MEGF6: variants seen among roughly 807,000 people sequenced by gnomAD.
The protein encoded by MEGF6 is multiple EGF like domains 6.
MEGF6 carries 184 observed loss-of-function variants against 207.1 expected under a neutral mutation model. The ratio of observed to expected loss-of-function variants is 0.89; its 90% CI spans 0.79 to 1.00. The LOEUF is 1.00. Ranked by LOEUF, MEGF6 falls within the 50% of genes least tolerant of loss-of-function variation. The pLI, the probability that MEGF6 is intolerant of heterozygous loss-of-function variation, is 0.00. For missense variants in MEGF6, 2,282 were observed against 2,202.9 expected (o/e 1.04, Z -0.72); for synonymous variants, 1,038 against 910.0 (o/e 1.14, Z -2.53).
chr1:3,610,564 C>T lies in MEGF6; in HGVS notation c.131+574G>A, dbSNP rs559886018. Reference sequence around the variant, plus strand: ...TTGATTTGCTGTTCATGAGAGACCGCTAAACGGCCCGTTGGGGAATCATCT... The same window carrying T: ...TTGATTTGCTGTTCATGAGAGACCGTTAAACGGCCCGTTGGGGAATCATCT... On this transcript the variant is annotated intron_variant, in intron 1 of 36. Transcript: ENST00000356575. Among the ~76,000 whole-genome samples, 14 of 152,382 alleles carry T rather than the reference C, an allele frequency of 9.2e-5. No homozygotes were observed. The East Asian group carries it at 2.7e-3, about 29-fold the overall frequency.
chr1:3,545,288 G>T (rs1465883300), intron 4 of MEGF6, among the ~76,000 whole-genome samples: 2 of 152,174 alleles, frequency 1.3e-5, no homozygotes, highest in African/African-American at 4.8e-5. Context: ...CAGGTAGGGG[G>T]GTCTGGTCTT....
At chr1:3,536,940 T>C (rs1642349709) in intron 4 of MEGF6, among the ~76,000 whole-genome samples, 3 of 152,226 alleles carry the variant, frequency 2.0e-5, no homozygotes, top group Admixed American at 1.3e-4. Context: ...CGACACCCGC[T>C]CCACAAGGCC....
Position 3,611,442 on chromosome 1 carries a change from T to A in MEGF6, c.-174A>T, listed in dbSNP as rs1448398942. The A allele has an allele frequency of 1.1e-6, 1 of 921,716 alleles. No individual in the cohort carries two copies. The highest frequency in any genetic ancestry group is 1.5e-6 in the Non-Finnish European group (1 of 678,936). 57.1% of individuals were successfully genotyped at this position (921,716 alleles called of 1,614,324 possible). On this transcript the variant is annotated 5_prime_UTR_variant, in exon 1 of 37. Coordinates refer to ENST00000356575, the MANE Select transcript of MEGF6 (RefSeq NM_001409.4). ...CCCGGCTTCCCGCCCGCGCCCAAAG[T>A]GGCACCGCGGAGACCTGATCGCCGG...
At position 3,523,379 on chromosome 1, in the gene MEGF6, G is replaced by A. The variant is rs186925968; in HGVS notation, c.604+745C>T. Among the ~76,000 whole-genome samples the A allele has an allele frequency of 6.3e-3, 959 of 152,234 alleles. 4 individuals carry two copies. Among genetic ancestry groups the A allele is most frequent in the Non-Finnish European group, 9.7e-3 (661 of 67,986 alleles). On this transcript the variant is annotated intron_variant, in intron 5 of 36. Transcript: ENST00000356575. ...CCAGATTCCTGGGCTCCAGCCCCCT[G>A]CTCAGCCCTGTGCCGGTTCCTAGAG...
the MEGF6 span, among the ~76,000 whole-genome samples, chr1:3,622,266 G>A: frequency 4.6e-5 from 7 of 152,200 alleles, no homozygotes; most frequent in South Asian, 2.1e-4. Context: ...GATTTCCCCC[G>A]TGCTGTTCTT....
chr1:3,619,152 G>A, the MEGF6 span, among the ~76,000 whole-genome samples: 1 of 152,188 alleles, frequency 6.6e-6, no homozygotes, highest in East Asian at 1.9e-4. Flanking sequence ...GTGAAGCTGC[G>A]CCCTCTAATT....
chr1:3,605,465 C>T (rs1644231744), intron 1 of MEGF6, among the ~76,000 whole-genome samples: 1 of 151,828 alleles, frequency 6.6e-6, no homozygotes, highest in East Asian at 1.9e-4. Flanking sequence ...CATATGCTTA[C>T]CTATACACAC....
intron 3 of MEGF6, among the ~76,000 whole-genome samples, chr1:3,592,765 AAGG>A (rs369027964): frequency 4.6e-4 from 70 of 152,144 alleles, no homozygotes; most frequent in African/African-American, 1.7e-3. Flanking sequence ...GCGGCCAGAG[AAGG>A]AGATCACAGG....
chr1:3,548,496 G>A (rs181533782), intron 4 of MEGF6, among the ~76,000 whole-genome samples: 8 of 152,362 alleles, frequency 5.3e-5, no homozygotes, highest in Admixed American at 2.6e-4. Context: ...AGGGCGAGAC[G>A]GAGGCTGGCC....
chr1:3,531,326 C>T (rs1315685271), intron 4 of MEGF6: 6 of 1,230,734 alleles, frequency 4.9e-6, no homozygotes, highest in Non-Finnish European at 6.1e-6. Context: ...ACGGGGCAGG[C>T]GGCTCGGGCT....
At chr1:3,584,175 G>A (rs1384265643) in intron 3 of MEGF6, among the ~76,000 whole-genome samples, 1 of 152,250 alleles carries the variant, frequency 6.6e-6, no homozygotes, top group Admixed American at 6.5e-5. Flanking sequence ...GGCATGTCCA[G>A]GCCATGTCTG....
At chr1:3,516,915 G>A (rs1399331805) in intron 5 of MEGF6, among the ~76,000 whole-genome samples, 1 of 152,164 alleles carries the variant, frequency 6.6e-6, no homozygotes, top group African/African-American at 2.4e-5. Flanking sequence ...GGGGAACCCA[G>A]GGCAGAACTC....
At position 3,595,331 on chromosome 1, in the gene MEGF6, C is replaced by A. The variant is rs752835736; in HGVS notation, c.376+7G>T. Reference sequence around the variant, plus strand: ...AGGGAGGGCGGGGAGGCGCAGGCGGCACTCACCCGAGAGGCAGCCCTCCTC... The same window carrying A: ...AGGGAGGGCGGGGAGGCGCAGGCGGAACTCACCCGAGAGGCAGCCCTCCTC... On this transcript the variant is annotated splice_region_variant and intron_variant, in intron 3 of 36. Transcript: ENST00000356575. 1.2e-6 allele frequency: 2 copies of A among 1,605,770 alleles called. No individual in the cohort carries two copies. Among genetic ancestry groups the A allele is most frequent in the South Asian group, 2.2e-5 (2 of 90,902 alleles).
At chr1:3,619,022 TA>T in the MEGF6 span, among the ~76,000 whole-genome samples, 1 of 152,174 alleles carries the variant, frequency 6.6e-6, no homozygotes, top group African/African-American at 2.4e-5. Context: ...ACTGATTTTG[TA>T]AAATGCAAAA....
chr1:3,498,521 C>T (rs748828126), intron 25 of MEGF6, 22 bp from the exon 26 acceptor site: 15 of 1,551,122 alleles, frequency 9.7e-6, no homozygotes, highest in South Asian at 2.3e-5. Flanking sequence ...GAGGCAGGCA[C>T]GAGGGTGAGG....
In MEGF6 at chr1:3,497,137, G is replaced by A; in HGVS notation, c.3482-18C>T. On this transcript the variant is annotated intron_variant, in intron 27 of 36. Coordinates refer to ENST00000356575, the MANE Select transcript of MEGF6 (RefSeq NM_001409.4). The stretch of plus-strand genomic sequence containing the variant: ...TGGGCAGGCTGGGTGGAGACAGGCA[G>A]GGTCGGTCCTGGCCCAGCCCCGCCA... 3.8e-6 allele frequency: 6 copies of A among 1,566,984 alleles called. No homozygotes were observed. The highest frequency in any genetic ancestry group is 5.2e-6 in the Non-Finnish European group (6 of 1,153,952).
intron 1 of MEGF6, among the ~76,000 whole-genome samples, chr1:3,608,746 A>C (rs1169973338): frequency 6.6e-6 from 1 of 152,146 alleles, no homozygotes; most frequent in Non-Finnish European, 1.5e-5. Context: ...GCAGGTGGGC[A>C]ATCGGCCCCC....
At chr1:3,526,319 C>T (rs766879347) in intron 4 of MEGF6, among the ~76,000 whole-genome samples, 1 of 152,066 alleles carries the variant, frequency 6.6e-6, no homozygotes, top group Non-Finnish European at 1.5e-5. Context: ...GGCAAGAGCC[C>T]GGTACCCAGG....
At chr1:3,618,879 C>T in the MEGF6 span, among the ~76,000 whole-genome samples, 1 of 152,198 alleles carries the variant, frequency 6.6e-6, no homozygotes, top group Non-Finnish European at 1.5e-5. This position sits in a 1 kb window ranked among gnomAD's most constrained non-coding sequence, Gnocchi z 4.7. Flanking sequence ...GAAGAGCCTC[C>T]AGGCTGCACA....
Sources: allele counts gnomAD v4.1 joint callset (sites outside exome capture counted in the v4.1 genomes callset), GRCh38; gene constraint gnomAD v4.1.1; non-coding constraint Gnocchi (gnomAD v3.1); transcripts MANE v1.5; gene names NCBI Gene and HGNC (gene_info 2026-07-23, HGNC 2026-07-21).